The following SPECC1 variants were observed in gnomAD, a reference collection of about 807,000 sequenced individuals.
SPECC1 encodes cytospin-B.
SPECC1 carries 62 observed loss-of-function variants against 104.1 expected under a neutral mutation model. That is an observed-to-expected ratio of 0.60 (90% confidence interval 0.49 to 0.74). The LOEUF (loss-of-function observed/expected upper bound fraction) is 0.74, where lower values mean the gene tolerates loss of function less well. Ranked by LOEUF, SPECC1 falls within the 30% of genes least tolerant of loss-of-function variation. The probability of loss-of-function intolerance (pLI) is 0.00; values close to 1 mark genes in which losing one functional copy is unlikely to be tolerated. For synonymous variants in SPECC1, 513 were observed against 501.6 expected (o/e 1.02, Z -0.30); for missense variants, 1,306 against 1,310.5 (o/e 1.00, Z 0.05).
intron 3 of SPECC1, among the ~76,000 whole-genome samples, chr17:20,177,050 G>A (rs1342477961): frequency 6.6e-6 from 1 of 152,156 alleles, no homozygotes; most frequent in African/African-American, 2.4e-5. Flanking sequence ...TATTTCTGAG[G>A]ACATTGGGAA....
intron 13 of SPECC1, among the ~76,000 whole-genome samples, chr17:20,298,731 C>T (rs1311868038): frequency 6.6e-6 from 1 of 151,934 alleles, no homozygotes. Context: ...TCAAAGATGA[C>T]GCCCTGGTGT....
chr17:20,114,500 T>G (rs970069282), intron 3 of SPECC1, among the ~76,000 whole-genome samples: 5 of 146,328 alleles, frequency 3.4e-5, no homozygotes, highest in African/African-American at 1.1e-4. Context: ...TGTTTTTTTT[T>G]TTGTTTTTTT....
Position 20,205,540 on chromosome 17 carries a change from G to A in SPECC1, c.1491G>A (p.Lys497=), listed in dbSNP as rs770526241. The A allele has an allele frequency of 6.2e-7, 1 of 1,614,092 alleles. No homozygotes were observed. The highest frequency in any genetic ancestry group is 1.3e-5 in the African/African-American group (1 of 75,030). ...AGCAGTTGACCTGTAGCTTGCGGAA[G>A]GTTGAGGAAGAAAACCAAGGAGCTT... ...IQQQLTCSLR[K]VEEENQGALE... The change falls in exon 4 of 15, where the codon AAG becomes AAA. Residue 497 remains lysine (K), a synonymous_variant. Coordinates refer to ENST00000395527, the MANE Select transcript of SPECC1 (RefSeq NM_001243439.2).
Position 20,047,436 on chromosome 17 carries a change from T to C in SPECC1, c.-22+38012T>C, listed in dbSNP as rs142280297. 1.6e-3 allele frequency among the ~76,000 whole-genome samples: 251 copies of C among 152,376 alleles called. 6 individuals carry two copies. The East Asian group carries it at 0.038, about 23-fold the overall frequency. ...GTGTCTTGTGCTGGTTGGACTCTAC[T>C]GATTTTTCTTGGCATATGCTAAACC... is the stretch of plus-strand genomic sequence containing the variant. On this transcript the variant is annotated intron_variant, in intron 1 of 14. Transcript: ENST00000395527.
chr17:20,287,198 A>G (rs1384085777), intron 12 of SPECC1, among the ~76,000 whole-genome samples: 1 of 152,122 alleles, frequency 6.6e-6, no homozygotes, highest in Non-Finnish European at 1.5e-5. Flanking sequence ...CGGGTGGATC[A>G]TGAGGTCAGG....
intron 4 of SPECC1, among the ~76,000 whole-genome samples, chr17:20,219,022 G>C (rs543660175): frequency 6.6e-6 from 1 of 152,212 alleles, no homozygotes; most frequent in South Asian, 2.1e-4. Flanking sequence ...TGTGTATATG[G>C]ACTATATTTT....
chr17:20,127,179 A>G (rs1368799727), intron 3 of SPECC1, among the ~76,000 whole-genome samples: 1 of 152,226 alleles, frequency 6.6e-6, no homozygotes, highest in Admixed American at 6.5e-5. Flanking sequence ...TTTCATAGCT[A>G]TCAAATCTTG....
intron 1 of SPECC1, among the ~76,000 whole-genome samples, chr17:20,063,867 A>G (rs189680238): frequency 1.2e-4 from 18 of 152,366 alleles, no homozygotes; most frequent in African/African-American, 4.1e-4. Context: ...AGAATAAGGC[A>G]TTTAGAATAA....
At chr17:20,077,417 A>C (rs1218384060) in intron 1 of SPECC1, among the ~76,000 whole-genome samples, 1 of 151,896 alleles carries the variant, frequency 6.6e-6, no homozygotes, top group African/African-American at 2.4e-5. Flanking sequence ...ATCTGTTTCT[A>C]CGCCATTATC....
chr17:20,167,633 G>A (rs1199906715), intron 3 of SPECC1, among the ~76,000 whole-genome samples: 1 of 152,166 alleles, frequency 6.6e-6, no homozygotes, highest in Admixed American at 6.5e-5. Flanking sequence ...AGCTGAGATT[G>A]TGCCATTGCA....
At chr17:20,100,584 G>C (rs1244831905) in intron 2 of SPECC1, among the ~76,000 whole-genome samples, 1 of 152,156 alleles carries the variant, frequency 6.6e-6, no homozygotes, top group Admixed American at 6.5e-5. Flanking sequence ...GGAACACTGA[G>C]ACAAATCCAC....
chr17:20,201,374 C>T (rs1037420786), intron 3 of SPECC1, among the ~76,000 whole-genome samples: 1 of 151,714 alleles, frequency 6.6e-6, no homozygotes, highest in East Asian at 1.9e-4. Context: ...TCCAGCTATT[C>T]GGGATGCTGA....
chr17:20,209,287 A>C (rs1343326040), intron 4 of SPECC1, among the ~76,000 whole-genome samples: 3 of 152,172 alleles, frequency 2.0e-5, no homozygotes, highest in African/African-American at 7.2e-5. Context: ...CATCCACTCT[A>C]ATGCTTGGCG....
chr17:20,049,667 GA>G (rs2045666041), intron 1 of SPECC1, among the ~76,000 whole-genome samples: 1 of 152,174 alleles, frequency 6.6e-6, no homozygotes, highest in East Asian at 1.9e-4. Context: ...TAGGCATGTA[GA>G]AAGATTTGGT....
intron 1 of SPECC1, among the ~76,000 whole-genome samples, chr17:20,053,067 A>G (rs901393576): frequency 2.0e-5 from 3 of 152,106 alleles, no homozygotes; most frequent in African/African-American, 7.2e-5. Flanking sequence ...ACTATCCCCT[A>G]TCATTTATGT....
intron 3 of SPECC1, among the ~76,000 whole-genome samples, chr17:20,116,623 T>A (rs149259904): frequency 6.6e-6 from 1 of 152,018 alleles, no homozygotes; most frequent in South Asian, 2.1e-4. Context: ...GTACAAGATA[T>A]AAAATGTAAT....
intron 3 of SPECC1, among the ~76,000 whole-genome samples, chr17:20,188,259 T>G (rs2035414990): frequency 6.6e-6 from 1 of 150,848 alleles, no homozygotes; most frequent in African/African-American, 2.4e-5. Context: ...AGACATCCTT[T>G]TTTTTTTTTC....
intron 4 of SPECC1, among the ~76,000 whole-genome samples, chr17:20,221,210 T>C (rs1295596373): frequency 6.6e-6 from 1 of 152,208 alleles, no homozygotes; most frequent in African/African-American, 2.4e-5. Context: ...CCTTCTCTTC[T>C]ATTTCTTGGA....
chr17:20,045,956 T>A (rs1469306291), intron 1 of SPECC1, among the ~76,000 whole-genome samples: 1 of 152,022 alleles, frequency 6.6e-6, no homozygotes, highest in African/African-American at 2.4e-5. Flanking sequence ...TTGGAAGATA[T>A]GCTTATCTTT....
Sources: allele counts gnomAD v4.1 joint callset (sites outside exome capture counted in the v4.1 genomes callset), GRCh38; gene constraint gnomAD v4.1.1; transcripts MANE v1.5; gene names NCBI Gene and HGNC (gene_info 2026-07-23, HGNC 2026-07-21).